The following NUCB2 variants were observed in gnomAD, a reference collection of about 807,000 sequenced individuals.
NUCB2 encodes the protein nucleobindin 2.
A neutral mutation model predicts 57.9 loss-of-function variants in NUCB2; 48 were observed. The observed-to-expected ratio is 0.83, with a 90% CI of 0.66 to 1.05. The LOEUF (loss-of-function observed/expected upper bound fraction) is 1.05. Among genes scored for constraint, NUCB2 ranks in the 50% least tolerant of loss-of-function variants. The pLI is 0.00. For missense variants in NUCB2, 442 were observed against 476.2 expected (o/e 0.93, Z 0.67); for synonymous variants, 139 against 152.1 (o/e 0.91, Z 0.64).
intron 2 of NUCB2, among the ~76,000 whole-genome samples, chr11:17,342,939 TG>T (rs1159681167): frequency 1.3e-5 from 2 of 152,188 alleles, no homozygotes; most frequent in Non-Finnish European, 2.9e-5. Flanking sequence ...TATTATTGTG[TG>T]GGAGTCTAAG....
chr11:17,337,300 A>G (rs1286194012), intron 1 of NUCB2: 1 of 152,210 alleles, frequency 6.6e-6, no homozygotes, highest in East Asian at 1.9e-4. Context: ...TAAAGTTTTG[A>G]CAATCCCGGT....
chr11:17,345,766 G>A (rs1181985109), intron 2 of NUCB2, among the ~76,000 whole-genome samples: 1 of 151,994 alleles, frequency 6.6e-6, no homozygotes, highest in Non-Finnish European at 1.5e-5. Flanking sequence ...TTTAAATTTT[G>A]GAAAAAGTTC....
rs181392171 is a variant in NUCB2, at chr11:17,314,272, C to T, written c.913-1114C>T. ...CCTAACTGGCATCTCTGCTTCTATT[C>T]CTTACCCCACTGCAGACACTTCTTC... On this transcript the variant is annotated intron_variant, in intron 10 of 13. Transcript: ENST00000529010. 2.3e-3 allele frequency among the ~76,000 whole-genome samples: 351 copies of T among 152,300 alleles called. 2 individuals are homozygous for T. Among genetic ancestry groups the T allele is most frequent in the African/African-American group, 8.0e-3 (333 of 41,572 alleles).
At chr11:17,305,634 T>G (rs1947501271) in intron 5 of NUCB2, among the ~76,000 whole-genome samples, 1 of 152,086 alleles carries the variant, frequency 6.6e-6, no homozygotes, top group African/African-American at 2.4e-5. Context: ...TTATTAATTT[T>G]TTTTTTTAGA....
downstream of NUCB2, chr11:17,332,216 T>G (rs887105842): frequency 1.3e-5 from 2 of 152,044 alleles, no homozygotes; most frequent in African/African-American, 4.8e-5. Flanking sequence ...CTGGAGGCAG[T>G]GGGGAAGGCA....
chr11:17,339,284 G>A (rs1366395335), intron 2 of NUCB2, among the ~76,000 whole-genome samples: 5 of 152,106 alleles, frequency 3.3e-5, no homozygotes, highest in African/African-American at 9.7e-5. Context: ...CACTGTGCCT[G>A]GCTAATGGAA....
chr11:17,343,828 G>C (rs1952492385), intron 2 of NUCB2, among the ~76,000 whole-genome samples: 1 of 152,046 alleles, frequency 6.6e-6, no homozygotes, highest in Non-Finnish European at 1.5e-5. Flanking sequence ...ATATATCTTA[G>C]AATTTGCATC....
At chr11:17,306,628 C>T (rs1947680466) in intron 5 of NUCB2, among the ~76,000 whole-genome samples, 1 of 151,994 alleles carries the variant, frequency 6.6e-6, no homozygotes, top group Non-Finnish European at 1.5e-5. Flanking sequence ...ATAAAGAAAA[C>T]AGTGTAGGCT....
intron 6 of NUCB2, among the ~76,000 whole-genome samples, 186 bp from the exon 7 acceptor site, chr11:17,310,639 C>T (rs1017388919): frequency 3.6e-5 from 5 of 140,756 alleles, no homozygotes; most frequent in African/African-American, 1.0e-4. Context: ...GGTGAAACTC[C>T]GTCTCAAAAA....
In NUCB2 at chr11:17,295,402, A is replaced by G. The variant is rs1042181668; in HGVS notation, c.79A>G (p.Ile27Val). ...CLLTALEAVP[I>V]DIDKTKVQNI... ...ACTTACTGCTCTTGAAGCTGTGCCT[A>G]TTGACATAGACAAGACAAAAGTACA... Residue 27 changes from isoleucine (I) to valine (V), a missense_variant, in exon 3 of 14, where the codon ATT becomes GTT. Ile to Val is a conservative substitution (Grantham distance 29). Coordinates refer to ENST00000529010, the MANE Select transcript of NUCB2 (RefSeq NM_005013.4). The G allele has an allele frequency of 1.1e-5, 18 of 1,613,530 alleles. No individual in the cohort carries two copies. The highest frequency in any genetic ancestry group is 1.5e-5 in the Non-Finnish European group (18 of 1,179,810).
At chr11:17,289,003 G>A (rs1174563252) in intron 2 of NUCB2, among the ~76,000 whole-genome samples, 1 of 136,404 alleles carries the variant, frequency 7.3e-6, no homozygotes, top group African/African-American at 2.8e-5. Context: ...TGTTGCCCAG[G>A]TTGGAATACA....
chr11:17,338,954 G>A (rs990157637), intron 2 of NUCB2, among the ~76,000 whole-genome samples: 6 of 151,740 alleles, frequency 4.0e-5, no homozygotes, highest in East Asian at 1.9e-4. Flanking sequence ...GTGAGCCACC[G>A]TGCCTGGCCT....
intron 2 of NUCB2, among the ~76,000 whole-genome samples, chr11:17,291,916 A>G (rs1007185873): frequency 6.6e-6 from 1 of 152,166 alleles, no homozygotes; most frequent in African/African-American, 2.4e-5. Flanking sequence ...TGCTTTACCA[A>G]CATAATTTTA....
chr11:17,335,334 C>T (rs972581507), downstream of NUCB2, among the ~76,000 whole-genome samples: 1 of 152,044 alleles, frequency 6.6e-6, no homozygotes, highest in African/African-American at 2.4e-5. Context: ...AGAGTAATTT[C>T]TTGAAATGCT....
At chr11:17,295,726 G>C in intron 3 of NUCB2, 1 of 413,642 alleles carries the variant, frequency 2.4e-6, no homozygotes, top group Non-Finnish European at 4.3e-6. Flanking sequence ...ATATTAGATA[G>C]AAGAATTAAT....
intron 11 of NUCB2, chr11:17,317,809 C>T: frequency 5.6e-6 from 1 of 177,714 alleles, no homozygotes; most frequent in Admixed American, 5.8e-5. Context: ...CTCGTCTAGC[C>T]CACCATAGTG....
At position 17,311,290 on chromosome 11, in the gene NUCB2, A is replaced by G. The variant is rs749706756; in HGVS notation, c.760+7A>G. On this transcript the variant is annotated splice_region_variant and intron_variant, in intron 8 of 13. Coordinates refer to ENST00000529010, the MANE Select transcript of NUCB2 (RefSeq NM_005013.4). ...ACATTTTTCAAATTACATGGTAACGATTTGATACAAATATTAATATTTATA... is the reference window on the plus strand; with the variant it reads ...ACATTTTTCAAATTACATGGTAACGGTTTGATACAAATATTAATATTTATA... 2 of 1,545,724 alleles carry G rather than the reference A, an allele frequency of 1.3e-6. No homozygotes were observed. Among genetic ancestry groups the G allele is most frequent in the African/African-American group, 2.7e-5 (2 of 72,732 alleles).
intron 11 of NUCB2, among the ~76,000 whole-genome samples, chr11:17,329,798 T>G (rs773099892): frequency 1.3e-5 from 2 of 152,224 alleles, no homozygotes; most frequent in Non-Finnish European, 2.9e-5. Flanking sequence ...TGCAGACAGC[T>G]GTTAAAATTT....
At chr11:17,287,672 C>CAAAAA (rs1158145912) in intron 2 of NUCB2, among the ~76,000 whole-genome samples, 1 of 65,388 alleles carries the variant, frequency 1.5e-5, no homozygotes. Context: ...AACTCCACCT[C>CAAAAA]AAAAAAAAAA....
Sources: allele counts gnomAD v4.1 joint callset (sites outside exome capture counted in the v4.1 genomes callset), GRCh38; gene constraint gnomAD v4.1.1; transcripts MANE v1.5; gene names NCBI Gene and HGNC (gene_info 2026-07-23, HGNC 2026-07-21).